PCDHGA3: variants seen among roughly 807,000 people sequenced by gnomAD.
PCDHGA3 encodes protocadherin gamma subfamily A, 3.
In PCDHGA3, 40 loss-of-function variants were observed where a neutral mutation model predicts 58.5. The observed-to-expected ratio is 0.68, with a 90% CI of 0.53 to 0.89. The LOEUF (loss-of-function observed/expected upper bound fraction) is 0.89. PCDHGA3 is among the 40% of genes least tolerant of loss of function. PCDHGA3 has a pLI of 0.00. For missense variants in PCDHGA3, 1,223 were observed against 1,195.9 expected (o/e 1.02, Z -0.33); for synonymous variants, 530 against 525.7 (o/e 1.01, Z -0.11).
At chr5:141,359,694 G>C (rs4912605) in intron 1 of PCDHGA3, among the ~76,000 whole-genome samples, 1 of 151,894 alleles carries the variant, frequency 6.6e-6, no homozygotes, top group Non-Finnish European at 1.5e-5. Flanking sequence ...ACATATCTCC[G>C]GAAGGATACC....
chr5:141,468,330 C>CAAAAAAAAAAA (rs533390277), intron 1 of PCDHGA3: 4 of 79,798 alleles, frequency 5.0e-5, no homozygotes, highest in Non-Finnish European at 1.1e-4. Flanking sequence ...AACTCCATCT[C>CAAAAAAAAAAA]AAAAAAAAAA....
intron 1 of PCDHGA3, chr5:141,351,461 G>T: frequency 6.2e-7 from 1 of 1,613,570 alleles, no homozygotes; most frequent in South Asian, 1.1e-5. Flanking sequence ...TTACAAGCTG[G>T]TGATTGCTGG....
chr5:141,397,172 G>C (rs1407642752), intron 1 of PCDHGA3, among the ~76,000 whole-genome samples: 3 of 152,128 alleles, frequency 2.0e-5, no homozygotes, highest in Non-Finnish European at 2.9e-5. Flanking sequence ...TAACTCTTAA[G>C]AATGAATTTA....
chr5:141,347,083 C>G (rs1177646276), intron 1 of PCDHGA3, among the ~76,000 whole-genome samples: 1 of 149,142 alleles, frequency 6.7e-6, no homozygotes, highest in African/African-American at 2.5e-5. Flanking sequence ...CTCTCTCTTT[C>G]CTCCTTCCTT....
intron 1 of PCDHGA3, chr5:141,365,734 T>C: frequency 4.3e-6 from 7 of 1,613,550 alleles, no homozygotes; most frequent in Non-Finnish European, 5.1e-6. Context: ...ATCCCAGAGG[T>C]GTCTCTATCT....
intron 1 of PCDHGA3, chr5:141,375,727 G>T (rs1771811677): frequency 6.2e-7 from 1 of 1,614,262 alleles, no homozygotes; most frequent in East Asian, 2.2e-5. Flanking sequence ...ACGTGTCACT[G>T]AGCCTGTTTG....
intron 1 of PCDHGA3, chr5:141,402,944 G>C (rs1487270083): frequency 2.5e-6 from 4 of 1,592,136 alleles, no homozygotes; most frequent in African/African-American, 1.3e-5. Context: ...ATTCCAAAGC[G>C]AGGCAGCAAT....
Position 141,432,473 on chromosome 5 carries a change from T to G in PCDHGA3, c.2425-62334T>G. On this transcript the variant is annotated intron_variant, in intron 1 of 3. Coordinates refer to ENST00000253812, the MANE Select transcript of PCDHGA3 (RefSeq NM_018916.4). The surrounding 1 kb of genome is among the most constrained non-coding windows in gnomAD (Gnocchi z 6.0). ...GTACCCCGCCCTCCCCACGGACGGT[T>G]CCACTGGCGTGGAGCTGGCTCCCCG... 1 of 1,614,180 alleles carries G rather than the reference T, an allele frequency of 6.2e-7. No individual in the cohort carries two copies. The highest frequency in any genetic ancestry group is 1.1e-5 in the South Asian group (1 of 91,078).
In PCDHGA3 at chr5:141,413,895, T is replaced by C. The variant is rs749075692; in HGVS notation, c.2424+67438T>C. On this transcript the variant is annotated intron_variant, in intron 1 of 3. Transcript: ENST00000253812. ...TCAGTGTGACTGTCTTCGATGCAAATGACAACGCGCCGGTCTTCACCTTGC... is the reference window on the plus strand; with the variant it reads ...TCAGTGTGACTGTCTTCGATGCAAACGACAACGCGCCGGTCTTCACCTTGC... 7 of 1,613,190 alleles carry C rather than the reference T, an allele frequency of 4.3e-6. No individual in the cohort carries two copies. The South Asian group carries it at 6.6e-5, about 15-fold the overall frequency.
In PCDHGA3 at chr5:141,365,883, G is replaced by A. The variant is rs758025937; in HGVS notation, c.2424+19426G>A. 110 of 1,614,012 alleles carry A rather than the reference G, an allele frequency of 6.8e-5. No individual in the cohort carries two copies. Among genetic ancestry groups the A allele is most frequent in the Non-Finnish European group, 9.0e-5 (106 of 1,179,994 alleles). Reference sequence around the variant, plus strand: ...GACACCGGTGTCCTGTATGCTCTGAGATCCTTCGACTATGAGCAGTTGAGA... The same window carrying A: ...GACACCGGTGTCCTGTATGCTCTGAAATCCTTCGACTATGAGCAGTTGAGA... On this transcript the variant is annotated intron_variant, in intron 1 of 3. Transcript: ENST00000253812.
At chr5:141,501,423 A>C (rs1195105794) in intron 2 of PCDHGA3, among the ~76,000 whole-genome samples, 1 of 151,966 alleles carries the variant, frequency 6.6e-6, no homozygotes, top group Non-Finnish European at 1.5e-5. Flanking sequence ...AGTTGACTAA[A>C]TGTAGTCCAT....
chr5:141,379,889 C>CTTTTT lies in PCDHGA3; in HGVS notation c.2424+33458_2424+33462dup, dbSNP rs70988800. 5.8e-3 allele frequency among the ~76,000 whole-genome samples: 293 copies of CTTTTT among 50,830 alleles called. 35 individuals carry two copies. The highest frequency in any genetic ancestry group is 6.4e-3 in the African/African-American group (97 of 15,076). The allele number at this position is 50,830 out of a possible 152,430, so 33.3% of individuals were successfully genotyped here. A position where few individuals can be genotyped will look rare whatever the true frequency, so the allele number is the denominator to read the frequency against. On this transcript the variant is annotated intron_variant, in intron 1 of 3. Coordinates refer to ENST00000253812, the MANE Select transcript of PCDHGA3 (RefSeq NM_018916.4). ...CTTATTTTATGGTCTGTGAAAGCCTCTTTTTTTTTTTTTTTTTTTTTTTTT... is the reference window on the plus strand; with the variant it reads ...CTTATTTTATGGTCTGTGAAAGCCTCTTTTTTTTTTTTTTTTTTTTTTTTTTTTTT...
chr5:141,370,319 C>T (rs1357424627), intron 1 of PCDHGA3: 1 of 1,336,732 alleles, frequency 7.5e-7, no homozygotes, highest in Non-Finnish European at 1.0e-6. Context: ...ATAGTTGGTC[C>T]TGCTCGGAGA....
intron 1 of PCDHGA3, chr5:141,442,535 A>C (rs2098331560): frequency 6.6e-6 from 1 of 152,240 alleles, no homozygotes; most frequent in Non-Finnish European, 1.5e-5. Flanking sequence ...CTCCAAGGTG[A>C]AAAATTCTTG....
intron 1 of PCDHGA3, chr5:141,355,547 T>A: frequency 1.2e-6 from 2 of 1,613,910 alleles, no homozygotes; most frequent in Non-Finnish European, 1.7e-6. Flanking sequence ...ACAGTGAAGA[T>A]TTTGCGGGTA....
chr5:141,357,466 G>C (rs1760618081), intron 1 of PCDHGA3: 3 of 1,614,062 alleles, frequency 1.9e-6, no homozygotes, highest in Admixed American at 3.3e-5. Flanking sequence ...CTATTCCCAC[G>C]AGGTCTCCCT....
At chr5:141,366,023 C>T (rs762756042) in intron 1 of PCDHGA3, 4 of 1,614,122 alleles carry the variant, frequency 2.5e-6, no homozygotes, top group Non-Finnish European at 1.7e-6. Flanking sequence ...GATCCTGTAC[C>T]CCGCCCTCCC....
intron 1 of PCDHGA3, 137 bp from the exon 2 acceptor site, chr5:141,494,670 C>T: frequency 6.5e-7 from 1 of 1,529,402 alleles, no homozygotes; most frequent in Non-Finnish European, 8.8e-7. Flanking sequence ...GGAGATGAGT[C>T]CACCCCTGCC....
intron 1 of PCDHGA3, chr5:141,362,295 G>A (rs1312691474): frequency 1.2e-6 from 2 of 1,614,062 alleles, no homozygotes; most frequent in Non-Finnish European, 1.7e-6. Context: ...TCTCTTCCAG[G>A]TCAGATGCTT....
Sources: gnomAD v4.1 joint callset for allele counts (sites outside exome capture counted in the v4.1 genomes callset) on GRCh38, gnomAD v4.1.1 for gene constraint, Gnocchi (gnomAD v3.1) non-coding constraint, MANE v1.5 for transcripts, NCBI Gene and HGNC (gene_info 2026-07-23, HGNC 2026-07-21) for gene names.